CPS1: variants seen among roughly 807,000 people sequenced by gnomAD.
CPS1 encodes carbamoyl-phosphate synthase [ammonia], mitochondrial.
A neutral mutation model predicts 174.6 loss-of-function variants in CPS1; 109 were observed. That is an observed-to-expected ratio of 0.62 (90% CI 0.53 to 0.73). The LOEUF (loss-of-function observed/expected upper bound fraction) is 0.73. Among genes scored for constraint, CPS1 ranks in the 30% least tolerant of loss-of-function variants. The probability of loss-of-function intolerance (pLI) is 0.00; values close to 1 mark genes in which losing one functional copy is unlikely to be tolerated. For synonymous variants in CPS1, 637 were observed against 632.0 expected (o/e 1.01, Z -0.12); for missense variants, 1,689 against 1,821.9 (o/e 0.93, Z 1.33).
intron 21 of CPS1, among the ~76,000 whole-genome samples, chr2:210,635,991 C>T (rs1414603122): frequency 6.6e-6 from 1 of 152,122 alleles, no homozygotes; most frequent in Non-Finnish European, 1.5e-5. Context: ...TTAATTAAAG[C>T]AGATTCATGA....
At chr2:210,672,524 A>C (rs1208459348) in intron 34 of CPS1, 2 of 152,224 alleles carry the variant, frequency 1.3e-5, no homozygotes, top group African/African-American at 4.8e-5. Context: ...ACATGAAAAA[A>C]AATTTATATG....
intron 19 of CPS1, among the ~76,000 whole-genome samples, chr2:210,610,654 A>G (rs1415393921): frequency 6.6e-6 from 1 of 151,846 alleles, no homozygotes; most frequent in African/African-American, 2.4e-5. Flanking sequence ...TATAGGGCAA[A>G]TGTGGTGGGA....
At chr2:210,533,600 C>T (rs1249307246) in intron 1 of CPS1, among the ~76,000 whole-genome samples, 1 of 152,144 alleles carries the variant, frequency 6.6e-6, no homozygotes, top group Admixed American at 6.5e-5. Context: ...TTTCCTAAGA[C>T]ATATTTGTAC....
At chr2:210,593,031 T>C (rs1698364122) in intron 11 of CPS1, 75 bp downstream of exon 11, 1 of 1,245,958 alleles carries the variant, frequency 8.0e-7, no homozygotes, top group Non-Finnish European at 1.2e-6. Context: ...GAAACCAAAA[T>C]AATCACCCCA....
rs572330949 is a variant in CPS1, at chr2:210,566,528, G to A, written c.127-6770G>A. On this transcript the variant is annotated intron_variant, in intron 1 of 37. Coordinates refer to ENST00000233072, the MANE Select transcript of CPS1 (RefSeq NM_001875.5). ...TTATCCATGGCAATTTTGAATTAAGGCTCTTATAAATAAATTTAAATAGAG... is the reference window on the plus strand; with the variant it reads ...TTATCCATGGCAATTTTGAATTAAGACTCTTATAAATAAATTTAAATAGAG... 1.1e-4 allele frequency among the ~76,000 whole-genome samples: 17 copies of A among 152,200 alleles called. No individual in the cohort carries two copies. In the South Asian group the frequency reaches 3.3e-3, roughly 30 times the overall value.
rs563106980 is a variant in CPS1, at chr2:210,639,286, AT to A, written c.2895+77del. 261 of 1,209,090 alleles carry A rather than the reference AT, an allele frequency of 2.2e-4. 1 individual carries two copies. The South Asian group carries it at 3.2e-3, about 15-fold the overall frequency. 74.9% of individuals were successfully genotyped at this position (1,209,090 alleles called of 1,614,324 possible). A position where few individuals can be genotyped will look rare whatever the true frequency, so the allele number is the denominator to read the frequency against. On this transcript the variant is annotated intron_variant, in intron 23 of 37. Transcript: ENST00000233072. ...AGACAGTTCACATTAGGGAATATAT[AT>A]TTTTTACCTCTTTGGATATCTAGGT...
Position 210,608,394 on chromosome 2 carries a change from C to T in CPS1, c.2226C>T (p.Ala742=), listed in dbSNP as rs1325494843. The change falls in exon 19 of 38, where the codon GCC becomes GCT. Residue 742 remains alanine, a synonymous_variant. Transcript: ENST00000233072. ...TGGCATTCATTGCTGCAAAGATTGC[C>T]CTAGGAATCCCACTTCCAGAAATTA... ...YPLAFIAAKI[A]LGIPLPEIKN... 1.9e-6 allele frequency: 3 copies of T among 1,612,056 alleles called. No homozygotes were observed. The highest frequency in any genetic ancestry group is 1.3e-5 in the African/African-American group (1 of 74,734).
In CPS1 at chr2:210,580,044, C is replaced by T. The variant is rs192790104; in HGVS notation, c.528+274C>T. On this transcript the variant is annotated intron_variant, in intron 5 of 37. Transcript: ENST00000233072. ...GCCCACTATGTGTTCATTATACCAA[C>T]AAGTCAAGGAATTTATAATTCAGCT... Among the ~76,000 whole-genome samples the T allele has an allele frequency of 2.0e-5, 3 of 152,226 alleles. No homozygotes were observed. In the East Asian group the frequency reaches 5.8e-4, roughly 29 times the overall value.
In CPS1 at chr2:210,674,953, G is replaced by A; in HGVS notation, c.4153G>A (p.Gly1385Ser). Reference sequence around the variant, plus strand: ...TGTGGCTGAACAATTACACAATGAAGGTTTCAAGGTATGTTCATTAGTTTT... The same window carrying A: ...TGTGGCTGAACAATTACACAATGAAAGTTTCAAGGTATGTTCATTAGTTTT... ...LGVAEQLHNEGFKLFATEATS... is the reference protein window; with the variant it reads ...LGVAEQLHNESFKLFATEATS... Residue 1385 changes from glycine (G) to serine (S), a missense_variant, in exon 35 of 38, where the codon GGT (glycine) becomes AGT (serine). By Grantham distance (56) the Gly-to-Ser change is moderately conservative (BLOSUM62 0). Transcript: ENST00000233072. 6.2e-7 allele frequency: 1 copy of A among 1,611,740 alleles called. No individual in the cohort carries two copies. Among genetic ancestry groups the A allele is most frequent in the Non-Finnish European group, 8.5e-7 (1 of 1,177,890 alleles).
At chr2:210,582,446 C>T (rs1220605955) in intron 5 of CPS1, among the ~76,000 whole-genome samples, 171 bp from the exon 6 acceptor site, 1 of 152,110 alleles carries the variant, frequency 6.6e-6, no homozygotes, top group South Asian at 2.1e-4. Flanking sequence ...AATGTATGTG[C>T]AAATTGCTTA....
intron 1 of CPS1, among the ~76,000 whole-genome samples, chr2:210,503,585 G>T (rs2105965559): frequency 6.6e-6 from 1 of 152,082 alleles, no homozygotes; most frequent in African/African-American, 2.4e-5. Flanking sequence ...TTTGTAAACT[G>T]GTTATGATGA....
intron 5 of CPS1, among the ~76,000 whole-genome samples, chr2:210,581,273 AT>A (rs1343531692): frequency 1.3e-5 from 2 of 152,140 alleles, no homozygotes; most frequent in African/African-American, 4.8e-5. Context: ...AGGCCTAATG[AT>A]TCAGGAAAAC....
intron 1 of CPS1, among the ~76,000 whole-genome samples, chr2:210,572,806 C>G (rs1315233355): frequency 1.3e-5 from 2 of 152,046 alleles, no homozygotes; most frequent in African/African-American, 4.8e-5. Flanking sequence ...ACAACTCCAT[C>G]AAACACAAGA....
At chr2:210,559,947 T>C (rs1325691324) in intron 1 of CPS1, among the ~76,000 whole-genome samples, 3 of 152,142 alleles carry the variant, frequency 2.0e-5, no homozygotes, top group Admixed American at 2.0e-4. Context: ...TTCCATTCTA[T>C]ACATTTTAGT....
chr2:210,547,403 C>G (rs979198618), intron 1 of CPS1, among the ~76,000 whole-genome samples: 1 of 151,880 alleles, frequency 6.6e-6, no homozygotes, highest in Non-Finnish European at 1.5e-5. Context: ...ATATTTGAGT[C>G]TGATATTTCA....
intron 17 of CPS1, among the ~76,000 whole-genome samples, chr2:210,605,777 T>C (rs925142007): frequency 3.3e-5 from 5 of 151,820 alleles, no homozygotes; most frequent in African/African-American, 1.2e-4. Context: ...AATAAGTTGA[T>C]ACAAAGACAC....
intron 21 of CPS1, among the ~76,000 whole-genome samples, chr2:210,635,630 G>A (rs1700021382): frequency 6.6e-6 from 1 of 152,130 alleles, no homozygotes; most frequent in Non-Finnish European, 1.5e-5. Context: ...ATGTTGGATG[G>A]CACAGTTCTA....
In CPS1 at chr2:210,582,667, G is replaced by A. The variant is rs773075509; in HGVS notation, c.579G>A (p.Val193=). Residue 193 remains valine (V), a synonymous_variant, in exon 6 of 38, where the codon GTG becomes GTA. Transcript: ENST00000233072. ...TTGAAGGTCAGCCTGTGGATTTTGT[G>A]GATCCAAATAAACAGAATTTGATTG... ...IEFEGQPVDF[V]DPNKQNLIAE... 8 of 1,613,202 alleles carry A rather than the reference G, an allele frequency of 5.0e-6. No individual in the cohort carries two copies. The highest frequency in any genetic ancestry group is 4.0e-5 in the African/African-American group (3 of 74,822).
At chr2:210,538,345 A>G (rs902176352) in intron 1 of CPS1, among the ~76,000 whole-genome samples, 2 of 152,088 alleles carry the variant, frequency 1.3e-5, no homozygotes, top group South Asian at 2.1e-4. Flanking sequence ...GAAATATCCT[A>G]CTTTTGTATA....
Sources: allele counts gnomAD v4.1 joint callset (sites outside exome capture counted in the v4.1 genomes callset), GRCh38; gene constraint gnomAD v4.1.1; transcripts MANE v1.5; gene names NCBI Gene and HGNC (gene_info 2026-07-23, HGNC 2026-07-21).